The following ADCY2 variants were observed in gnomAD, a reference collection of about 807,000 sequenced individuals.
ADCY2 encodes the protein adenylate cyclase 2, also known as adenylate cyclase type 2.
Under a neutral mutation model 125.2 loss-of-function variants are expected in ADCY2, and 31 were observed. The ratio of observed to expected loss-of-function variants is 0.25; its 90% confidence interval spans 0.19 to 0.33. The LOEUF is 0.33. Among genes scored for constraint, ADCY2 ranks in the 10% least tolerant of loss-of-function variants. ADCY2 has a pLI of 1.00. For missense variants in ADCY2, 904 were observed against 1,418.2 expected, an observed-to-expected ratio of 0.64 and a Z score of 5.82; for synonymous variants, 512 against 548.4, an observed-to-expected ratio of 0.93 and a Z score of 0.93.
intron 24 of ADCY2, 52 bp downstream of exon 24, chr5:7,820,741 G>C (rs1321044385): frequency 1.3e-6 from 2 of 1,561,942 alleles, no homozygotes; most frequent in Non-Finnish European, 1.7e-6. Context: ...CTGTTCTCTT[G>C]GGAACCATAA....
At chr5:7,609,023 T>C (rs1737482626) in intron 3 of ADCY2, among the ~76,000 whole-genome samples, 1 of 152,186 alleles carries the variant, frequency 6.6e-6, no homozygotes, top group African/African-American at 2.4e-5. Flanking sequence ...TCTTTAGATG[T>C]TTTAGTTTAC....
At chr5:7,751,309 G>T (rs906647858) in intron 15 of ADCY2, among the ~76,000 whole-genome samples, 1 of 152,032 alleles carries the variant, frequency 6.6e-6, no homozygotes, top group Non-Finnish European at 1.5e-5. Flanking sequence ...TGCAGATCTC[G>T]TGGTGCTAAT....
intron 4 of ADCY2, among the ~76,000 whole-genome samples, chr5:7,673,865 T>C (rs7727412): frequency 0.028 from 4,248 of 152,222 alleles, 131 homozygotes; most frequent in African/African-American, 0.075. Flanking sequence ...TTCCATTCTA[T>C]TTGAGGCATG....
chr5:7,479,578 G>C (rs1308062147), intron 2 of ADCY2, among the ~76,000 whole-genome samples: 1 of 151,650 alleles, frequency 6.6e-6, no homozygotes, highest in Non-Finnish European at 1.5e-5. Flanking sequence ...TTTATCTTTT[G>C]TGTTACAAAC....
chr5:7,685,319 C>T (rs927718379), intron 4 of ADCY2: 2 of 152,262 alleles, frequency 1.3e-5, no homozygotes, highest in Admixed American at 6.5e-5. Flanking sequence ...CTTTGAAGAG[C>T]TGTGCTCTTA....
intron 17 of ADCY2, among the ~76,000 whole-genome samples, chr5:7,767,802 A>G (rs1370057685): frequency 3.9e-5 from 6 of 152,082 alleles, no homozygotes; most frequent in African/African-American, 1.4e-4. Flanking sequence ...AGTCCGAGGC[A>G]GGCAGATCAC....
chr5:7,527,726 C>T (rs180845842), intron 3 of ADCY2, among the ~76,000 whole-genome samples: 14 of 152,298 alleles, frequency 9.2e-5, no homozygotes, highest in Admixed American at 3.3e-4. Flanking sequence ...TTTTAGATTG[C>T]ACCTAATACA....
At chr5:7,581,802 A>G (rs1330537848) in intron 3 of ADCY2, among the ~76,000 whole-genome samples, 1 of 148,872 alleles carries the variant, frequency 6.7e-6, no homozygotes, top group Non-Finnish European at 1.5e-5. Context: ...GGCTGGCGAC[A>G]GAGCAAGACT....
chr5:7,490,663 G>A (rs964125694), intron 2 of ADCY2, among the ~76,000 whole-genome samples: 76 of 151,626 alleles, frequency 5.0e-4, no homozygotes, highest in Non-Finnish European at 5.9e-5. Context: ...ATGCATGCAT[G>A]CACACACACA....
chr5:7,789,903 A>C, intron 20 of ADCY2, 103 bp downstream of exon 20: 1 of 898,258 alleles, frequency 1.1e-6, no homozygotes, highest in Non-Finnish European at 1.6e-6. Context: ...GCAGTACTTC[A>C]CACATCTGAG....
At chr5:7,772,822 C>A in intron 17 of ADCY2, 110 bp from the exon 18 acceptor site, 1 of 972,014 alleles carries the variant, frequency 1.0e-6, no homozygotes, top group Non-Finnish European at 1.5e-6. Flanking sequence ...TTTTCACAGC[C>A]ACCTTATATG....
At chr5:7,819,938 G>A (rs531758577) in intron 23 of ADCY2, among the ~76,000 whole-genome samples, 33 of 152,332 alleles carry the variant, frequency 2.2e-4, no homozygotes, top group African/African-American at 7.5e-4. Context: ...TGACCAAGCA[G>A]GGATGAGCAG....
At chr5:7,673,286 A>ATATATATATATAT (rs58505229) in intron 4 of ADCY2, among the ~76,000 whole-genome samples, 20 of 53,858 alleles carry the variant, frequency 3.7e-4, no homozygotes, top group East Asian at 7.9e-4. Flanking sequence ...ATATATATAT[A>ATATATATATATAT]AAATTAGCCA....
intron 4 of ADCY2, among the ~76,000 whole-genome samples, chr5:7,650,550 ACCCCACAGAGGCC>A (rs1342002837): frequency 1.1e-4 from 16 of 152,254 alleles, no homozygotes; most frequent in African/African-American, 3.8e-4. Flanking sequence ...GGATGGAGGA[ACCCCACAGAGGCC>A]TTCCTCCTTC....
intron 3 of ADCY2, among the ~76,000 whole-genome samples, chr5:7,560,581 T>A (rs941793298): frequency 6.6e-6 from 1 of 152,150 alleles, no homozygotes; most frequent in Non-Finnish European, 1.5e-5. Context: ...TTGAGCTTTA[T>A]TTTTTTGAAA....
At chr5:7,539,925 T>C (rs1734939815) in intron 3 of ADCY2, among the ~76,000 whole-genome samples, 1 of 152,240 alleles carries the variant, frequency 6.6e-6, no homozygotes, top group Non-Finnish European at 1.5e-5. Context: ...AGTCCTTGAC[T>C]CTCTGCTGTT....
chr5:7,651,351 C>G (rs182568909), intron 4 of ADCY2, among the ~76,000 whole-genome samples: 3 of 152,086 alleles, frequency 2.0e-5, no homozygotes, highest in Non-Finnish European at 4.4e-5. Context: ...TGAGGTCCCA[C>G]AATAGGCCAT....
chr5:7,683,681 G>T (rs1422115853), intron 4 of ADCY2, among the ~76,000 whole-genome samples: 1 of 152,168 alleles, frequency 6.6e-6, no homozygotes, highest in East Asian at 1.9e-4. Context: ...GGGAGGGAGA[G>T]TCAACACATT....
intron 1 of ADCY2, among the ~76,000 whole-genome samples, chr5:7,398,956 A>C (rs989786493): frequency 2.0e-5 from 3 of 152,210 alleles, no homozygotes; most frequent in Non-Finnish European, 4.4e-5. Flanking sequence ...TGAAGGTAGA[A>C]TAGGGCTAAG....
Sources: allele counts gnomAD v4.1 joint callset (sites outside exome capture counted in the v4.1 genomes callset), GRCh38; gene constraint gnomAD v4.1.1; transcripts MANE v1.5; gene names NCBI Gene and HGNC (gene_info 2026-07-23, HGNC 2026-07-21).